SECISBP2L: variants seen among roughly 807,000 people sequenced by gnomAD.
The protein encoded by SECISBP2L is SECIS binding protein 2 like.
Under a neutral mutation model 114.7 loss-of-function variants are expected in SECISBP2L, and 43 were observed. The observed-to-expected ratio is 0.38, with a 90% confidence interval of 0.29 to 0.48. The LOEUF is 0.48. SECISBP2L is among the 20% of genes least tolerant of loss of function. The pLI, the probability that SECISBP2L is intolerant of heterozygous loss-of-function variation, is 0.98. For synonymous variants in SECISBP2L, 451 were observed against 439.7 expected (o/e 1.03, Z -0.32); for missense variants, 1,136 against 1,301.1 (o/e 0.87, Z 1.95).
rs1356056624 is a variant in SECISBP2L, at chr15:49,028,297, T to C, written c.895-129A>G. ...CAATATTATCATACTTCTTCATAAA[T>C]GAATATTTTTATTAATAAAATACAA... On this transcript the variant is annotated intron_variant, in intron 5 of 17. Transcript: ENST00000559471. The C allele has an allele frequency of 4.1e-6, 4 of 982,758 alleles. No homozygotes were observed. The African/African-American group carries it at 6.6e-5, about 16-fold the overall frequency. 60.9% of individuals were successfully genotyped at this position (982,758 alleles called of 1,614,324 possible).
intron 14 of SECISBP2L, among the ~76,000 whole-genome samples, chr15:49,008,823 A>T (rs1240072402): frequency 6.6e-6 from 1 of 152,214 alleles, no homozygotes; most frequent in Non-Finnish European, 1.5e-5. Flanking sequence ...GGTTCACTTC[A>T]TATAATAGGG....
intron 11 of SECISBP2L, among the ~76,000 whole-genome samples, chr15:49,015,190 A>C (rs1902511802): frequency 6.6e-6 from 1 of 152,106 alleles, no homozygotes; most frequent in Admixed American, 6.6e-5. Flanking sequence ...GGATTCAAAC[A>C]AAGGCAACTT....
chr15:49,046,242 C>T, intron 1 of SECISBP2L, 34 bp downstream of exon 1: 1 of 1,572,408 alleles, frequency 6.4e-7, no homozygotes, highest in Non-Finnish European at 8.6e-7. Flanking sequence ...GACCCCAACC[C>T]CCGGCTCGGC....
Position 49,037,558 on chromosome 15 carries a change from C to A in SECISBP2L, c.203+33G>T, listed in dbSNP as rs377630185. 4 of 1,592,524 alleles carry A rather than the reference C, an allele frequency of 2.5e-6. No individual in the cohort carries two copies. In the African/African-American group the frequency reaches 4.1e-5, roughly 16 times the overall value. Reference sequence around the variant, plus strand: ...ACTTTGCCAGCTTTTATAGCCACCCCCACAAAAAAGAAAATAAAAATAAAC... The same window carrying A: ...ACTTTGCCAGCTTTTATAGCCACCCACACAAAAAAGAAAATAAAAATAAAC... On this transcript the variant is annotated intron_variant, in intron 2 of 17. Transcript: ENST00000559471.
At chr15:49,044,403 G>A (rs748661540) in intron 1 of SECISBP2L, among the ~76,000 whole-genome samples, 2 of 152,114 alleles carry the variant, frequency 1.3e-5, no homozygotes, top group African/African-American at 2.4e-5. Flanking sequence ...AGAATACGAT[G>A]AAAATAATGG....
chr15:49,038,109 T>C (rs1348329826), intron 1 of SECISBP2L, among the ~76,000 whole-genome samples: 1 of 152,182 alleles, frequency 6.6e-6, no homozygotes, highest in Non-Finnish European at 1.5e-5. Flanking sequence ...ACAATGTGTT[T>C]TTAACTCATT....
At chr15:49,041,436 A>G (rs1903129408) in intron 1 of SECISBP2L, among the ~76,000 whole-genome samples, 1 of 152,248 alleles carries the variant, frequency 6.6e-6, no homozygotes, top group Non-Finnish European at 1.5e-5. Context: ...AGAGTTTATT[A>G]GACAAATGTA....
At chr15:49,013,381 C>T (rs893766449) in intron 11 of SECISBP2L, among the ~76,000 whole-genome samples, 5 of 152,280 alleles carry the variant, frequency 3.3e-5, no homozygotes, top group African/African-American at 9.6e-5. Flanking sequence ...ACTGAAACCT[C>T]CACCTCCTGG....
intron 1 of SECISBP2L, among the ~76,000 whole-genome samples, chr15:49,045,758 T>C (rs910953428): frequency 2.0e-5 from 3 of 152,186 alleles, no homozygotes; most frequent in Non-Finnish European, 2.9e-5. Flanking sequence ...AATCGTAGTA[T>C]CGTTTCTTAA....
intron 7 of SECISBP2L, among the ~76,000 whole-genome samples, chr15:49,022,279 G>T (rs6493346): frequency 0.51 from 77,925 of 151,976 alleles, 22,018 homozygotes; most frequent in Non-Finnish European, 0.63. Flanking sequence ...CACCATGCCT[G>T]CCTTACACCA....
chr15:49,028,651 G>T lies in SECISBP2L; in HGVS notation c.696C>A (p.Leu232=). 1 of 1,614,132 alleles carries T rather than the reference G, an allele frequency of 6.2e-7. No homozygotes were observed. Among genetic ancestry groups the T allele is most frequent in the Non-Finnish European group, 8.5e-7 (1 of 1,180,000 alleles). Residue 232 remains leucine, a synonymous_variant, in exon 5 of 18, where the codon CTC becomes CTA. Coordinates refer to ENST00000559471, the MANE Select transcript of SECISBP2L (RefSeq NM_001193489.2). ...DFPSDIANKS[L]SETTATMLWK... ...AGAGCATTGTTGCAGTGGTCTCTGAGAGAGACTTGTTAGCGATATCTGATG... is the reference window on the plus strand; with the variant it reads ...AGAGCATTGTTGCAGTGGTCTCTGATAGAGACTTGTTAGCGATATCTGATG...
chr15:48,992,812 T>C lies in SECISBP2L; in HGVS notation c.2738A>G (p.Asp913Gly). Reference protein sequence around the residue: ...TSEKPSKLPFDTPPIGKQPSL... With the variant: ...TSEKPSKLPFGTPPIGKQPSL... ...TGGCTGCTTACCAATTGGGGGTGTG[T>C]CAAATGGAAGTTTACTGGGTTTTTC... The change falls in exon 18 of 18, where the codon GAC (aspartate) becomes GGC (glycine). Residue 913 changes from aspartate (D) to glycine (G), a missense_variant. Asp to Gly is a moderately conservative substitution (Grantham distance 94). Coordinates refer to ENST00000559471, the MANE Select transcript of SECISBP2L (RefSeq NM_001193489.2). The C allele has an allele frequency of 6.2e-7, 1 of 1,614,142 alleles. No individual in the cohort carries two copies. The highest frequency in any genetic ancestry group is 8.5e-7 in the Non-Finnish European group (1 of 1,180,022).
At position 49,017,545 on chromosome 15, in the gene SECISBP2L, T is replaced by C. The variant is rs763299034; in HGVS notation, c.1251+3A>G. ...TTGCTTTTCTTTTTAAAGAGTTACT[T>C]ACTACTTTAGAAGAAAGTTTTTGTT... On this transcript the variant is annotated splice_donor_region_variant and intron_variant, in intron 9 of 17. Coordinates refer to ENST00000559471, the MANE Select transcript of SECISBP2L (RefSeq NM_001193489.2). 7 of 1,566,888 alleles carry C rather than the reference T, an allele frequency of 4.5e-6. No homozygotes were observed. In the East Asian group the frequency reaches 1.6e-4, roughly 35 times the overall value.
chr15:49,016,693 T>TA lies in SECISBP2L; in HGVS notation c.1427dup (p.Leu476PhefsTer10). 6.3e-7 allele frequency: 1 copy of TA among 1,577,448 alleles called. No individual in the cohort carries two copies. Among genetic ancestry groups the TA allele is most frequent in the Non-Finnish European group, 8.6e-7 (1 of 1,167,120 alleles). On this transcript the variant is annotated frameshift_variant, in exon 11 of 18. Transcript: ENST00000559471. LOFTEE classifies it high-confidence loss of function. Reference sequence around the variant, plus strand: ...TATTCTTTTTTCCAGCTGCTTTTGATAAAGCTTCCTACAAAATAAATATAA... The same window carrying TA: ...TATTCTTTTTTCCAGCTGCTTTTGATAAAAGCTTCCTACAAAATAAATATAA...
At chr15:49,037,497 A>G in intron 2 of SECISBP2L, 94 bp downstream of exon 2, 1 of 1,090,038 alleles carries the variant, frequency 9.2e-7, no homozygotes, top group Non-Finnish European at 1.3e-6. Context: ...AGAAATGGTT[A>G]AAGTCTAAAA....
chr15:48,993,081 T>G (rs958190577), intron 17 of SECISBP2L, among the ~76,000 whole-genome samples, 155 bp from the exon 18 acceptor site: 3 of 139,610 alleles, frequency 2.1e-5, no homozygotes, highest in African/African-American at 8.5e-5. Context: ...TATTTAGTAC[T>G]AGTTTGAGAC....
At position 49,035,479 on chromosome 15, in the gene SECISBP2L, G is replaced by A; in HGVS notation, c.383C>T (p.Thr128Ile). Residue 128 changes from threonine to isoleucine, a missense_variant, in exon 3 of 18, where the codon ACA becomes ATA. Transcript: ENST00000559471. ...AGCCTGAAAGGTGTTGGAGTAAGGTGTAGGAAAAGGATGATAGAAACCCAT... is the reference window on the plus strand; with the variant it reads ...AGCCTGAAAGGTGTTGGAGTAAGGTATAGGAAAAGGATGATAGAAACCCAT... Reference protein sequence around the residue: ...QVMGFYHPFPTPYSNTFQAAN... With the variant: ...QVMGFYHPFPIPYSNTFQAAN... 1 of 1,614,170 alleles carries A rather than the reference G, an allele frequency of 6.2e-7. No individual in the cohort carries two copies. The highest frequency in any genetic ancestry group is 8.5e-7 in the Non-Finnish European group (1 of 1,180,014).
At chr15:49,028,776 C>T in intron 4 of SECISBP2L, 94 bp from the exon 5 acceptor site, 1 of 1,047,534 alleles carries the variant, frequency 9.5e-7, no homozygotes, top group Admixed American at 2.3e-5. Context: ...AAATAGATAC[C>T]AAACTTCATA....
At chr15:49,033,162 T>TA (rs1566862004) in intron 3 of SECISBP2L, 62 bp from the exon 4 acceptor site, 6 of 1,519,090 alleles carry the variant, frequency 3.9e-6, no homozygotes, top group African/African-American at 1.4e-5. Context: ...CTGAACATTA[T>TA]AAAAAACACA....
Sources: gnomAD v4.1 joint callset for allele counts (sites outside exome capture counted in the v4.1 genomes callset) on GRCh38, gnomAD v4.1.1 for gene constraint, MANE v1.5 for transcripts, NCBI Gene and HGNC (gene_info 2026-07-23, HGNC 2026-07-21) for gene names.